Variants in GNB1L observed in about 807,000 individuals in gnomAD.
The protein encoded by GNB1L is guanine nucleotide-binding protein subunit beta-like protein 1.
GNB1L carries 20 observed loss-of-function variants against 29.1 expected under a neutral mutation model. That is an observed-to-expected ratio of 0.69 (90% CI 0.48 to 1.00). The LOEUF (loss-of-function observed/expected upper bound fraction) is 1.00, where lower values mean the gene tolerates loss of function less well. GNB1L is among the 50% of genes least tolerant of loss of function. The pLI is 0.00. For missense variants in GNB1L, 421 were observed against 464.9 expected (o/e 0.91, Z 0.87); for synonymous variants, 193 against 206.5 (o/e 0.93, Z 0.56).
chr22:19,814,020 G>C (rs1044488997), intron 4 of GNB1L, among the ~76,000 whole-genome samples: 6 of 152,180 alleles, frequency 3.9e-5, no homozygotes, highest in Non-Finnish European at 8.8e-5. Flanking sequence ...GGGGATGTCA[G>C]AAGGACACGG....
At chr22:19,802,450 A>G (rs1284492474) in intron 6 of GNB1L, among the ~76,000 whole-genome samples, 1 of 152,192 alleles carries the variant, frequency 6.6e-6, no homozygotes, top group African/African-American at 2.4e-5. Context: ...GGGCACCCCA[A>G]GGACATAGGG....
Position 19,849,899 on chromosome 22 carries a change from T to C in GNB1L, c.-21+4544A>G, listed in dbSNP as rs1050986274. 3.0e-6 allele frequency: 3 copies of C among 985,354 alleles called. No homozygotes were observed. The African/African-American group carries it at 5.2e-5, about 17-fold the overall frequency. The allele number at this position is 985,354 out of a possible 1,614,324, so 61.0% of individuals were successfully genotyped here. A position where few individuals can be genotyped will look rare whatever the true frequency, so the allele number is the denominator to read the frequency against. On this transcript the variant is annotated intron_variant, in intron 2 of 7. Transcript: ENST00000329517. The stretch of plus-strand genomic sequence containing the variant: ...CTGCCTATCCTGTGGTAAACTTGGC[T>C]CCAGGAGCTTCCAAGCTCAGCTTCC...
At chr22:19,849,388 GAT>G in intron 2 of GNB1L, 12 of 701,372 alleles carry the variant, frequency 1.7e-5, no homozygotes, top group African/African-American at 2.2e-5. Context: ...TTTTTTTTGG[GAT>G]GGAGTTTCAC....
chr22:19,851,242 C>T (rs1386148897), intron 2 of GNB1L: 7 of 1,604,252 alleles, frequency 4.4e-6, no homozygotes, highest in South Asian at 3.3e-5. Flanking sequence ...TACCTAAGGA[C>T]ACCTCCTGGT....
At chr22:19,851,188 T>C (rs1938085669) in intron 2 of GNB1L, 1 of 1,589,980 alleles carries the variant, frequency 6.3e-7, no homozygotes, top group African/African-American at 1.3e-5. Flanking sequence ...GAGAAAGTGG[T>C]GGCTCTCCTG....
intron 4 of GNB1L, among the ~76,000 whole-genome samples, chr22:19,818,482 C>G (rs529503597): frequency 6.6e-6 from 1 of 152,204 alleles, no homozygotes; most frequent in African/African-American, 2.4e-5. Flanking sequence ...CATGACCACA[C>G]GGGGCTCTGC....
At chr22:19,850,804 C>A in intron 2 of GNB1L, 1 of 1,293,110 alleles carries the variant, frequency 7.7e-7, no homozygotes, top group African/African-American at 1.5e-5. Context: ...GTGGAAGACA[C>A]CAAGGGGGGT....
At chr22:19,845,984 A>G (rs1019011517) in intron 2 of GNB1L, among the ~76,000 whole-genome samples, 1 of 152,232 alleles carries the variant, frequency 6.6e-6, no homozygotes, top group African/African-American at 2.4e-5. Context: ...GCAGGCGGGT[A>G]GGCCAGGCAT....
intron 2 of GNB1L, chr22:19,848,960 A>T: frequency 1.0e-6 from 1 of 985,580 alleles, no homozygotes; most frequent in Non-Finnish European, 1.2e-6. Flanking sequence ...TGCCAGACCC[A>T]CAGGTGAGCC....
Position 19,849,372 on chromosome 22 carries a change from G to GTT in GNB1L, c.-21+5069_-21+5070dup, listed in dbSNP as rs796724694. 1,490 of 659,826 alleles carry GTT rather than the reference G, an allele frequency of 2.3e-3. 1 individual carries two copies. Among genetic ancestry groups the GTT allele is most frequent in the African/African-American group, 3.2e-3 (153 of 48,330 alleles). 40.9% of individuals were successfully genotyped at this position (659,826 alleles called of 1,614,324 possible). A position where few individuals can be genotyped will look rare whatever the true frequency, so the allele number is the denominator to read the frequency against. On this transcript the variant is annotated intron_variant, in intron 2 of 7. Transcript: ENST00000329517. ...CTAAATAAGGTTTTTGTTTTTTGTT[G>GTT]TTTTTTTTTTTTTGGGATGGAGTTT... is the stretch of plus-strand genomic sequence containing the variant.
chr22:19,802,173 T>C lies in GNB1L; in HGVS notation c.560A>G (p.Asp187Gly). Reference protein sequence around the residue: ...SRPLLLAGYEDGSVVLWDVSE... With the variant: ...SRPLLLAGYEGGSVVLWDVSE... Reference sequence around the variant, plus strand: ...GACGTCCCACAGGACCACCGATCCATCCTCATAGCCGGCCAGAAGGAGTGG... The same window carrying C: ...GACGTCCCACAGGACCACCGATCCACCCTCATAGCCGGCCAGAAGGAGTGG... Residue 187 changes from aspartate (D) to glycine (G), a missense_variant, in exon 7 of 8, where the codon GAT becomes GGT. Coordinates refer to ENST00000329517, the MANE Select transcript of GNB1L (RefSeq NM_053004.3). 6.2e-7 allele frequency: 1 copy of C among 1,613,126 alleles called. No homozygotes were observed. Among genetic ancestry groups the C allele is most frequent in the Non-Finnish European group, 8.5e-7 (1 of 1,180,004 alleles).
At chr22:19,824,998 G>C (rs1937608761) in intron 2 of GNB1L, among the ~76,000 whole-genome samples, 2 of 152,206 alleles carry the variant, frequency 1.3e-5, no homozygotes, top group South Asian at 4.1e-4. Context: ...AATCAGCAAA[G>C]AGTACCACGA....
chr22:19,788,898 GCGATCTGGC>G lies in GNB1L; in HGVS notation c.786_794del (p.Pro263_Arg265del). On this transcript the variant is annotated inframe_deletion, in exon 8 of 8. Transcript: ENST00000329517. ...CCCAGCCTGCGGTGGCCAGGATCTT[GCGATCTGGC>G]CGGATCGTGACCTCGGCGATCCCGG... 1 of 1,612,692 alleles carries G rather than the reference GCGATCTGGC, an allele frequency of 6.2e-7. No individual in the cohort carries two copies. The highest frequency in any genetic ancestry group is 2.2e-5 in the East Asian group (1 of 44,870).
chr22:19,805,879 G>A lies in GNB1L; in HGVS notation c.516+780C>T, dbSNP rs113368530. ...TGGTGACCCCTTACCGTGGGCTTCC[G>A]AGGCAGCTCAGGGCTGAGGGGCTCT... is the stretch of plus-strand genomic sequence containing the variant. On this transcript the variant is annotated intron_variant, in intron 6 of 7. Transcript: ENST00000329517. Among the ~76,000 whole-genome samples, 83 of 152,298 alleles carry A rather than the reference G, an allele frequency of 5.4e-4. 2 individuals carry two copies. The highest frequency in any genetic ancestry group is 1.9e-3 in the African/African-American group (79 of 41,566).
chr22:19,840,204 G>A (rs1937835700), intron 2 of GNB1L, among the ~76,000 whole-genome samples: 2 of 151,360 alleles, frequency 1.3e-5, no homozygotes, highest in Non-Finnish European at 3.0e-5. Flanking sequence ...GTAGATGAGA[G>A]GGGAGCTAGT....
chr22:19,800,564 C>G (rs1418307617), intron 7 of GNB1L, among the ~76,000 whole-genome samples: 1 of 152,228 alleles, frequency 6.6e-6, no homozygotes, highest in African/African-American at 2.4e-5. Context: ...CAGCTTCTAG[C>G]TGCTCAGAAC....
intron 2 of GNB1L, among the ~76,000 whole-genome samples, chr22:19,824,700 C>A (rs74623355): frequency 6.6e-6 from 1 of 152,188 alleles, no homozygotes; most frequent in Non-Finnish European, 1.5e-5. Flanking sequence ...TGGGGACCAG[C>A]GGGTAGGTGC....
rs1937203104 is a variant in GNB1L, at chr22:19,787,643, T to G, written c.*1066A>C. ...CATCGGCAGGGCCTTGCAGGGCAAC[T>G]GCCTCAAGGGAGGCCACCCCGGGCC... On this transcript the variant is annotated 3_prime_UTR_variant, in exon 8 of 8. Transcript: ENST00000329517. 6.6e-6 allele frequency: 1 copy of G among 152,314 alleles called. No homozygotes were observed. The highest frequency in any genetic ancestry group is 2.4e-5 in the African/African-American group (1 of 41,462). The allele number at this position is 152,314 out of a possible 1,614,324, so 9.4% of individuals were successfully genotyped here.
At chr22:19,851,307 G>C in intron 2 of GNB1L, 2 of 1,614,026 alleles carry the variant, frequency 1.2e-6, no homozygotes, top group Non-Finnish European at 1.7e-6. Context: ...GGACCTCCTG[G>C]ATGAGCTGGG....
Sources: gnomAD v4.1 joint callset for allele counts (sites outside exome capture counted in the v4.1 genomes callset) on GRCh38, gnomAD v4.1.1 for gene constraint, MANE v1.5 for transcripts, NCBI Gene and HGNC (gene_info 2026-07-23, HGNC 2026-07-21) for gene names.